NYAP2: variants seen among roughly 807,000 people sequenced by gnomAD.
NYAP2 encodes the protein neuronal tyrosine-phosphorylated phosphoinositide-3-kinase adapter 2.
A neutral mutation model predicts 50.4 loss-of-function variants in NYAP2; 23 were observed. The observed-to-expected ratio is 0.46, with a 90% CI of 0.33 to 0.65. The LOEUF is 0.65. Ranked by LOEUF, NYAP2 falls within the 30% of genes least tolerant of loss-of-function variation. The probability of loss-of-function intolerance (pLI) is 0.02; values close to 1 mark genes in which losing one functional copy is unlikely to be tolerated. For synonymous variants in NYAP2, 394 were observed against 365.2 expected, an observed-to-expected ratio of 1.08 and a Z score of -0.90; for missense variants, 885 against 861.0, an observed-to-expected ratio of 1.03 and a Z score of -0.35.
At chr2:225,676,661 A>T in the NYAP2 span, among the ~76,000 whole-genome samples, 5 of 152,262 alleles carry the variant, frequency 3.3e-5, no homozygotes, top group African/African-American at 1.2e-4. Flanking sequence ...TATCACGAGA[A>T]CAGCACAGGA....
chr2:225,453,969 G>A (rs190054266), intron 3 of NYAP2, among the ~76,000 whole-genome samples: 111 of 151,562 alleles, frequency 7.3e-4, no homozygotes, highest in African/African-American at 2.6e-3. Context: ...GAGTCACCGC[G>A]CCTGGCCATC....
the NYAP2 span, among the ~76,000 whole-genome samples, chr2:225,684,408 T>G: frequency 7.3e-5 from 9 of 122,988 alleles, no homozygotes; most frequent in East Asian, 2.7e-3. Context: ...CTCTCTCTCT[T>G]TTTTTTTTTT....
At chr2:225,470,583 T>C (rs1171419120) in intron 3 of NYAP2, among the ~76,000 whole-genome samples, 5 of 152,122 alleles carry the variant, frequency 3.3e-5, no homozygotes, top group African/African-American at 1.2e-4. Context: ...AAAAACATCA[T>C]AGGGGGAATG....
rs77367342 is a variant in NYAP2, at chr2:225,556,024, G to A, written c.524-25917G>A. On this transcript the variant is annotated intron_variant, in intron 4 of 6. Coordinates refer to ENST00000636099, the Ensembl canonical transcript of NYAP2. ...ATCATATAATTGACTTATGTATTAT[G>A]GTTGTTTATTGTCTAAGTCCTACTA... 5.9e-3 allele frequency among the ~76,000 whole-genome samples: 905 copies of A among 152,212 alleles called. 5 individuals are homozygous for A. Among genetic ancestry groups the A allele is most frequent in the African/African-American group, 0.021 (872 of 41,536 alleles).
At chr2:225,642,311 A>G (rs910673646) in intron 6 of NYAP2, among the ~76,000 whole-genome samples, 3 of 152,204 alleles carry the variant, frequency 2.0e-5, no homozygotes, top group Admixed American at 2.0e-4. Flanking sequence ...GCTAAAAAAA[A>G]TCAGATTGAC....
chr2:225,701,165 G>A, the NYAP2 span: 2 of 151,768 alleles, frequency 1.3e-5, no homozygotes, highest in Non-Finnish European at 2.9e-5. Flanking sequence ...TTTCCTTTTT[G>A]TGTAGTGTTT....
intron 6 of NYAP2, among the ~76,000 whole-genome samples, chr2:225,642,317 T>A (rs1341594052): frequency 6.6e-6 from 1 of 152,154 alleles, no homozygotes; most frequent in Non-Finnish European, 1.5e-5. Flanking sequence ...AAAAATCAGA[T>A]TGACCCCCAA....
intron 3 of NYAP2, among the ~76,000 whole-genome samples, chr2:225,423,356 C>T (rs567522805): frequency 3.3e-5 from 5 of 152,190 alleles, no homozygotes; most frequent in Non-Finnish European, 5.9e-5. Context: ...AACACAGCCC[C>T]CTGTGTAAGC....
chr2:225,441,841 T>G (rs1325244990), intron 3 of NYAP2, among the ~76,000 whole-genome samples: 2 of 152,186 alleles, frequency 1.3e-5, no homozygotes, highest in Non-Finnish European at 2.9e-5. Context: ...ACAAGTTCAT[T>G]AGCTTTTCTA....
chr2:225,661,782 G>A, the NYAP2 span, among the ~76,000 whole-genome samples: 1 of 149,796 alleles, frequency 6.7e-6, no homozygotes, highest in African/African-American at 2.5e-5. Flanking sequence ...GGAGTGCAGT[G>A]GCATGATCTC....
Position 225,620,036 on chromosome 2 carries a change from A to G in NYAP2, c.1619-6881A>G, listed in dbSNP as rs534001422. Among the ~76,000 whole-genome samples, 20 of 152,324 alleles carry G rather than the reference A, an allele frequency of 1.3e-4. No individual in the cohort carries two copies. The South Asian group carries it at 3.9e-3, about 30-fold the overall frequency. ...CCGTGAGCTACATGCTGGGGCTGTA[A>G]CTGTGAACACTTAAAATAACTCAGA... On this transcript the variant is annotated intron_variant, in intron 5 of 6. Coordinates refer to ENST00000636099, the Ensembl canonical transcript of NYAP2.
chr2:225,642,215 C>T (rs912106785), intron 6 of NYAP2, among the ~76,000 whole-genome samples: 2 of 151,938 alleles, frequency 1.3e-5, no homozygotes, highest in Non-Finnish European at 2.9e-5. Flanking sequence ...GTGCTGGGGG[C>T]AAGGCTACTG....
chr2:225,670,331 G>A, the NYAP2 span, among the ~76,000 whole-genome samples: 1 of 152,050 alleles, frequency 6.6e-6, no homozygotes, highest in Non-Finnish European at 1.5e-5. Context: ...AATGTTGTAC[G>A]GGGAGAGGTC....
At chr2:225,413,460 C>A (rs1038685560) in intron 3 of NYAP2, among the ~76,000 whole-genome samples, 1 of 152,064 alleles carries the variant, frequency 6.6e-6, no homozygotes, top group African/African-American at 2.4e-5. Flanking sequence ...TGGTAATGTC[C>A]AAATTCAATT....
intron 5 of NYAP2, among the ~76,000 whole-genome samples, chr2:225,620,905 G>C (rs1158184285): frequency 3.9e-5 from 6 of 152,100 alleles, no homozygotes; most frequent in Non-Finnish European, 8.8e-5. Context: ...CACGAGGGCG[G>C]GAGATCGAGA....
At chr2:225,498,327 G>T (rs140582427) in intron 3 of NYAP2, among the ~76,000 whole-genome samples, 2 of 152,222 alleles carry the variant, frequency 1.3e-5, no homozygotes, top group East Asian at 1.9e-4. Flanking sequence ...AAGTGGCATT[G>T]GTTTAGGCCC....
At chr2:225,513,465 C>T in exon 4 of NYAP2, 1 of 1,613,996 alleles carries the variant, frequency 6.2e-7, no homozygotes. Flanking sequence ...TCAGGACAGA[C>T]TTCCCCATCC....
chr2:225,516,014 C>G (rs570104498), intron 4 of NYAP2, among the ~76,000 whole-genome samples: 36 of 152,214 alleles, frequency 2.4e-4, no homozygotes, highest in African/African-American at 8.2e-4. Context: ...GTAAAATACA[C>G]TCAGAATACC....
At chr2:225,555,552 T>G (rs756523393) in intron 4 of NYAP2, among the ~76,000 whole-genome samples, 1 of 152,174 alleles carries the variant, frequency 6.6e-6, no homozygotes, top group African/African-American at 2.4e-5. Flanking sequence ...GGATCACCAG[T>G]ACCTCCAGAT....
Sources: allele counts gnomAD v4.1 joint callset (sites outside exome capture counted in the v4.1 genomes callset), GRCh38; gene constraint gnomAD v4.1.1; transcripts MANE v1.5; gene names NCBI Gene and HGNC (gene_info 2026-07-23, HGNC 2026-07-21).